The following AGBL4 variants were observed in gnomAD, a reference collection of about 807,000 sequenced individuals.
AGBL4 encodes the protein AGBL carboxypeptidase 4.
In AGBL4, 58 loss-of-function variants were observed where a neutral mutation model predicts 66.4. That is an observed-to-expected ratio of 0.87 (90% CI 0.71 to 1.09). AGBL4 has a LOEUF of 1.09. Ranked by LOEUF, AGBL4 falls within the 50% of genes least tolerant of loss-of-function variation. The pLI is 0.00. For synonymous variants in AGBL4, 234 were observed against 222.9 expected, an observed-to-expected ratio of 1.05 and a Z score of -0.44; for missense variants, 579 against 631.0, an observed-to-expected ratio of 0.92 and a Z score of 0.88.
At chr1:48,660,884 T>A (rs1376945178) in intron 7 of AGBL4, among the ~76,000 whole-genome samples, 1 of 152,134 alleles carries the variant, frequency 6.6e-6, no homozygotes, top group Non-Finnish European at 1.5e-5. Flanking sequence ...GTAGTTCCCA[T>A]CCCTGAGTGG....
intron 6 of AGBL4, among the ~76,000 whole-genome samples, chr1:48,777,234 G>A (rs1397112705): frequency 2.0e-5 from 3 of 152,104 alleles, no homozygotes; most frequent in Non-Finnish European, 4.4e-5. Context: ...GGTGCGCTGC[G>A]TGCAGGATTA....
chr1:48,978,704 C>T (rs1659528646), intron 5 of AGBL4, among the ~76,000 whole-genome samples: 1 of 152,128 alleles, frequency 6.6e-6, no homozygotes, highest in South Asian at 2.1e-4. Flanking sequence ...TTTCCATATA[C>T]TAAGCCCTTT....
At chr1:49,833,497 A>G (rs1231095331) in intron 2 of AGBL4, among the ~76,000 whole-genome samples, 2 of 152,078 alleles carry the variant, frequency 1.3e-5, no homozygotes, top group African/African-American at 4.8e-5. Context: ...GTGCCATATG[A>G]ACTTTAAAGT....
At chr1:49,294,853 G>A (rs1422133315) in intron 3 of AGBL4, among the ~76,000 whole-genome samples, 2 of 152,076 alleles carry the variant, frequency 1.3e-5, no homozygotes, top group Non-Finnish European at 2.9e-5. Context: ...TGCAACCTGT[G>A]CATTCTATCA....
intron 2 of AGBL4, among the ~76,000 whole-genome samples, chr1:49,842,638 G>A (rs757179445): frequency 1.3e-5 from 2 of 151,880 alleles, no homozygotes; most frequent in East Asian, 1.9e-4. Flanking sequence ...ACAATAAATC[G>A]GTAAAATAAT....
chr1:49,038,975 A>G (rs547014333), intron 5 of AGBL4, among the ~76,000 whole-genome samples: 1 of 152,294 alleles, frequency 6.6e-6, no homozygotes, highest in Non-Finnish European at 1.5e-5. Context: ...GTAGATAAGT[A>G]AACTGTATTA....
At chr1:48,969,272 A>G (rs1043692949) in intron 5 of AGBL4, among the ~76,000 whole-genome samples, 1 of 152,158 alleles carries the variant, frequency 6.6e-6, no homozygotes, top group Non-Finnish European at 1.5e-5. Context: ...ATACATGGCC[A>G]GCTCTCTGGG....
At chr1:49,919,442 T>C (rs1037889596) in intron 1 of AGBL4, among the ~76,000 whole-genome samples, 2 of 152,134 alleles carry the variant, frequency 1.3e-5, no homozygotes, top group Non-Finnish European at 1.5e-5. Context: ...TATACACCAA[T>C]AACAGACAAA....
chr1:48,573,439 A>C (rs1357796338), intron 11 of AGBL4, among the ~76,000 whole-genome samples: 1 of 152,160 alleles, frequency 6.6e-6, no homozygotes, highest in Non-Finnish European at 1.5e-5. Context: ...CACCAGACTA[A>C]GGAGGGCTAA....
chr1:48,964,167 C>G (rs537711476), intron 5 of AGBL4, among the ~76,000 whole-genome samples: 1 of 152,288 alleles, frequency 6.6e-6, no homozygotes, highest in African/African-American at 2.4e-5. Flanking sequence ...ACAAGAAAGA[C>G]TTCATACCTG....
chr1:49,348,147 G>C (rs1032131943), intron 3 of AGBL4, among the ~76,000 whole-genome samples: 1 of 152,066 alleles, frequency 6.6e-6, no homozygotes, highest in South Asian at 2.1e-4. Flanking sequence ...AGCCAGGCGC[G>C]TTGGCTCACG....
intron 3 of AGBL4, among the ~76,000 whole-genome samples, chr1:49,617,083 C>T (rs1055010758): frequency 4.6e-5 from 7 of 152,114 alleles, no homozygotes; most frequent in Non-Finnish European, 1.0e-4. Flanking sequence ...CCATTGTAAG[C>T]GCTTACATTG....
intron 2 of AGBL4, among the ~76,000 whole-genome samples, chr1:49,746,927 T>A (rs953522494): frequency 2.0e-5 from 3 of 152,138 alleles, no homozygotes; most frequent in Non-Finnish European, 4.4e-5. Context: ...GAGTTTATCA[T>A]GCCCATAAGA....
At chr1:49,515,843 A>T (rs1346720159) in intron 3 of AGBL4, among the ~76,000 whole-genome samples, 1 of 141,824 alleles carries the variant, frequency 7.1e-6, no homozygotes, top group African/African-American at 2.6e-5. Context: ...AACAATGAGA[A>T]CACATGGACA....
At chr1:49,718,158 T>C (rs1571397600) in intron 2 of AGBL4, among the ~76,000 whole-genome samples, 1 of 151,862 alleles carries the variant, frequency 6.6e-6, no homozygotes, top group Non-Finnish European at 1.5e-5. Flanking sequence ...AGGTAGGAGG[T>C]GATGGGTCAT....
At chr1:49,545,607 T>C (rs563691614) in intron 3 of AGBL4, among the ~76,000 whole-genome samples, 1 of 152,338 alleles carries the variant, frequency 6.6e-6, no homozygotes, top group East Asian at 1.9e-4. Flanking sequence ...AACTCTGATC[T>C]CTGTGACTCA....
intron 5 of AGBL4, among the ~76,000 whole-genome samples, chr1:49,016,759 A>G (rs148606682): frequency 3.3e-5 from 5 of 152,310 alleles, no homozygotes; most frequent in African/African-American, 1.2e-4. Context: ...AGCTGTTACT[A>G]CCAGGCTCAG....
At chr1:49,283,763 G>A (rs1295354768) in intron 3 of AGBL4, among the ~76,000 whole-genome samples, 1 of 148,412 alleles carries the variant, frequency 6.7e-6, no homozygotes, top group African/African-American at 2.5e-5. Flanking sequence ...GGAAGAAAGG[G>A]TATCAGCAAT....
At chr1:49,283,106 G>A (rs1644316491) in intron 3 of AGBL4, among the ~76,000 whole-genome samples, 1 of 152,224 alleles carries the variant, frequency 6.6e-6, no homozygotes, top group South Asian at 2.1e-4. Context: ...AACCTCTGCA[G>A]ACTTAAATGT....
Sources: gnomAD v4.1 joint callset for allele counts (sites outside exome capture counted in the v4.1 genomes callset) on GRCh38, gnomAD v4.1.1 for gene constraint, MANE v1.5 for transcripts, NCBI Gene and HGNC (gene_info 2026-07-23, HGNC 2026-07-21) for gene names.